The following C4BPA variants were observed in gnomAD, a reference collection of about 807,000 sequenced individuals.
The protein encoded by C4BPA is complement component 4 binding protein alpha, also known as C4b-binding protein alpha chain.
A neutral mutation model predicts 63.7 loss-of-function variants in C4BPA; 31 were observed. The ratio of observed to expected loss-of-function variants is 0.49; its 90% confidence interval spans 0.37 to 0.66. The LOEUF is 0.66. Ranked by LOEUF, C4BPA falls within the 30% of genes least tolerant of loss-of-function variation. C4BPA has a pLI of 0.00. For synonymous variants in C4BPA, 259 were observed against 254.7 expected (o/e 1.02, Z -0.16); for missense variants, 572 against 723.3 (o/e 0.79, Z 2.40).
At chr1:207,124,389 G>C (rs1223333432) in intron 6 of C4BPA, 23 bp downstream of exon 6, 2 of 1,536,088 alleles carry the variant, frequency 1.3e-6, no homozygotes, top group Non-Finnish European at 1.8e-6. Flanking sequence ...GATGAATTCT[G>C]CATCAAAATG....
chr1:207,134,761 C>A (rs1412650990), intron 9 of C4BPA, among the ~76,000 whole-genome samples, 169 bp downstream of exon 9: 1 of 152,152 alleles, frequency 6.6e-6, no homozygotes, highest in African/African-American at 2.4e-5. Context: ...TTTCTTTTGG[C>A]CTCTTCAGTT....
At chr1:207,130,703 AG>A (rs1338692389) in intron 7 of C4BPA, among the ~76,000 whole-genome samples, 1 of 152,228 alleles carries the variant, frequency 6.6e-6, no homozygotes, top group Non-Finnish European at 1.5e-5. Flanking sequence ...AGTCACAAAA[AG>A]TACATGTATT....
intron 4 of C4BPA, among the ~76,000 whole-genome samples, chr1:207,121,514 G>A (rs769953425): frequency 2.2e-4 from 34 of 151,846 alleles, no homozygotes; most frequent in Non-Finnish European, 4.0e-4. Flanking sequence ...AACACTTTTA[G>A]GTTTGTCTCC....
intron 8 of C4BPA, among the ~76,000 whole-genome samples, chr1:207,133,039 T>C (rs1266060694): frequency 1.3e-5 from 2 of 152,192 alleles, no homozygotes; most frequent in Non-Finnish European, 2.9e-5. Context: ...ATTTATTTGA[T>C]CCCCTATGAT....
chr1:207,135,636 C>G (rs577954509), intron 9 of C4BPA, among the ~76,000 whole-genome samples: 33 of 152,290 alleles, frequency 2.2e-4, no homozygotes, highest in African/African-American at 7.7e-4. Context: ...GCTTCCATCC[C>G]CTGGTTCCTG....
At chr1:207,120,968 C>T (rs1242797848) in intron 4 of C4BPA, among the ~76,000 whole-genome samples, 4 of 152,174 alleles carry the variant, frequency 2.6e-5, no homozygotes, top group African/African-American at 9.6e-5. Context: ...GCCATGATGC[C>T]TGGCTAAAGT....
chr1:207,107,941 T>A (rs939341044), intron 1 of C4BPA, among the ~76,000 whole-genome samples: 1 of 152,102 alleles, frequency 6.6e-6, no homozygotes, highest in Admixed American at 6.6e-5. Flanking sequence ...CAATAATGAC[T>A]TGGATTTCTA....
intron 4 of C4BPA, among the ~76,000 whole-genome samples, chr1:207,123,538 C>A (rs1420784015): frequency 6.6e-6 from 1 of 152,118 alleles, no homozygotes; most frequent in African/African-American, 2.4e-5. Flanking sequence ...ATAAGACACC[C>A]ACCTGGAAGT....
chr1:207,117,293 T>C (rs1298830083), intron 4 of C4BPA, among the ~76,000 whole-genome samples: 2 of 151,876 alleles, frequency 1.3e-5, no homozygotes, highest in East Asian at 1.9e-4. Context: ...CTACAAGAAA[T>C]TAAAAACATT....
chr1:207,131,651 G>A lies in C4BPA; in HGVS notation c.995G>A (p.Cys332Tyr). Residue 332 changes from cysteine (C) to tyrosine (Y), a missense_variant, in exon 8 of 12, where the codon TGT becomes TAT. Around this residue, in one of 2 missense-constraint regions of C4BPA, gnomAD observed 465 missense variants for 629.4 expected, o/e 0.74. Transcript: ENST00000367070. ...YVVGTVLRYR[C>Y]HPGYKPTTDE... is the part of the protein sequence containing the mutation. Reference sequence around the variant, plus strand: ...GTTGGGACTGTGTTAAGGTACCGCTGTCATCCTGGCTACAAACCCACTACA... The same window carrying A: ...GTTGGGACTGTGTTAAGGTACCGCTATCATCCTGGCTACAAACCCACTACA... 1 of 1,613,882 alleles carries A rather than the reference G, an allele frequency of 6.2e-7. No homozygotes were observed. The highest frequency in any genetic ancestry group is 8.5e-7 in the Non-Finnish European group (1 of 1,179,870).
chr1:207,113,981 T>G, intron 2 of C4BPA, 119 bp from the exon 3 acceptor site: 3 of 784,530 alleles, frequency 3.8e-6, no homozygotes, highest in South Asian at 3.7e-5. Flanking sequence ...ATGATTTTTC[T>G]TGACTAGAGA....
intron 4 of C4BPA, among the ~76,000 whole-genome samples, chr1:207,117,975 T>A (rs1684838225): frequency 6.6e-6 from 1 of 152,218 alleles, no homozygotes; most frequent in Non-Finnish European, 1.5e-5. Flanking sequence ...TTTTCCTTGT[T>A]TCTTCATGTG....
At chr1:207,106,207 T>C (rs762285966) in intron 1 of C4BPA, among the ~76,000 whole-genome samples, 2 of 152,154 alleles carry the variant, frequency 1.3e-5, no homozygotes, top group Non-Finnish European at 2.9e-5. Context: ...GGAGTAGTTA[T>C]GGTGAACTGC....
intron 9 of C4BPA, among the ~76,000 whole-genome samples, chr1:207,139,911 G>C (rs1217574517): frequency 6.6e-6 from 1 of 152,068 alleles, no homozygotes; most frequent in African/African-American, 2.4e-5. Context: ...ACTTTTTATT[G>C]GGCCAAATGC....
At chr1:207,143,024 A>G (rs1685453996) in intron 10 of C4BPA, among the ~76,000 whole-genome samples, 1 of 152,312 alleles carries the variant, frequency 6.6e-6, no homozygotes, top group Middle Eastern at 3.4e-3. Flanking sequence ...TACTATAAAG[A>G]CACATGCACA....
At chr1:207,125,060 G>A (rs926116293) in intron 6 of C4BPA, among the ~76,000 whole-genome samples, 1 of 147,378 alleles carries the variant, frequency 6.8e-6, no homozygotes, top group Non-Finnish European at 1.5e-5. Context: ...TAGTTAGTGT[G>A]CTAGTCTAAG....
intron 9 of C4BPA, 56 bp from the exon 10 acceptor site, chr1:207,141,050 C>T: frequency 7.3e-7 from 1 of 1,366,214 alleles, no homozygotes; most frequent in Non-Finnish European, 1.0e-6. Flanking sequence ...CTGCAATGTG[C>T]TACTTTATAC....
At chr1:207,116,729 C>T (rs1684799787) in intron 4 of C4BPA, among the ~76,000 whole-genome samples, 1 of 151,964 alleles carries the variant, frequency 6.6e-6, no homozygotes. Flanking sequence ...TCCTCTACTT[C>T]TTTTATATTT....
At chr1:207,118,683 C>T (rs560068433) in intron 4 of C4BPA, among the ~76,000 whole-genome samples, 1 of 152,216 alleles carries the variant, frequency 6.6e-6, no homozygotes, top group African/African-American at 2.4e-5. Context: ...ACAGCCAAAC[C>T]ATGTCATATT....
Sources: gnomAD v4.1 joint callset for allele counts (sites outside exome capture counted in the v4.1 genomes callset) on GRCh38, gnomAD v4.1.1 for gene constraint, gnomAD v4.1.1 regional missense constraint, MANE v1.5 for transcripts, NCBI Gene and HGNC (gene_info 2026-07-23, HGNC 2026-07-21) for gene names.